MAPT: variants seen among roughly 807,000 people sequenced by gnomAD.
MAPT encodes microtubule-associated protein tau.
Under a neutral mutation model 67.9 loss-of-function variants are expected in MAPT, and 34 were observed. The ratio of observed to expected loss-of-function variants is 0.50; its 90% CI spans 0.38 to 0.67. The LOEUF (loss-of-function observed/expected upper bound fraction) is 0.67, where lower values mean the gene tolerates loss of function less well. Ranked by LOEUF, MAPT falls within the 30% of genes least tolerant of loss-of-function variation. The pLI is 0.00. For missense variants in MAPT, 881 were observed against 1,115.2 expected, an observed-to-expected ratio of 0.79 and a Z score of 2.99; for synonymous variants, 456 against 464.5, an observed-to-expected ratio of 0.98 and a Z score of 0.23.
intron 1 of MAPT, chr17:45,898,182 A>G (rs1220786451): frequency 6.6e-6 from 1 of 152,286 alleles, no homozygotes; most frequent in African/African-American, 2.4e-5. Flanking sequence ...TTATATAGCA[A>G]TAACCTGGCT....
At chr17:45,941,700 TGCCTG>T (rs773904471) in intron 1 of MAPT, among the ~76,000 whole-genome samples, 14,257 of 81,908 alleles carry the variant, frequency 0.17, 2,062 homozygotes, top group Non-Finnish European at 0.23. Context: ...CCTTCCTTCC[TGCCTG>T]CCTTCCTTCC....
At chr17:45,918,020 C>T (rs984097737) in intron 1 of MAPT, among the ~76,000 whole-genome samples, 6 of 152,112 alleles carry the variant, frequency 3.9e-5, no homozygotes, top group Non-Finnish European at 7.4e-5. Flanking sequence ...GTGATCCACC[C>T]GCCTCAGCCT....
chr17:45,981,325 G>T (rs62063781), intron 4 of MAPT, among the ~76,000 whole-genome samples: 22,052 of 152,198 alleles, frequency 0.14, 2,143 homozygotes, highest in Non-Finnish European at 0.22. Context: ...AACATAAAGG[G>T]TATTTATTAG....
chr17:46,019,248 T>C (rs1444414616), intron 12 of MAPT, among the ~76,000 whole-genome samples: 1 of 152,058 alleles, frequency 6.6e-6, no homozygotes, highest in Non-Finnish European at 1.5e-5. Flanking sequence ...CCTCATGAGA[T>C]TTATTCACTA....
At chr17:45,925,081 C>G (rs1198254489) in intron 1 of MAPT, among the ~76,000 whole-genome samples, 2 of 152,222 alleles carry the variant, frequency 1.3e-5, no homozygotes, top group African/African-American at 2.4e-5. Flanking sequence ...CCCCTTTTAT[C>G]CCATGATCCC....
intron 8 of MAPT, among the ~76,000 whole-genome samples, chr17:45,992,077 C>T (rs2074103788): frequency 6.6e-6 from 1 of 152,146 alleles, no homozygotes; most frequent in Non-Finnish European, 1.5e-5. Context: ...TGAGCCACCA[C>T]TCCCAGCCTG....
chr17:45,986,988 G>A, intron 5 of MAPT, 52 bp from the exon 6 acceptor site: 1 of 1,530,612 alleles, frequency 6.5e-7, no homozygotes, highest in African/African-American at 1.4e-5. Flanking sequence ...CTGGCTTTCT[G>A]TGAACAGTGA....
At chr17:45,914,242 C>G (rs1299315122) in intron 1 of MAPT, among the ~76,000 whole-genome samples, 1 of 113,260 alleles carries the variant, frequency 8.8e-6, no homozygotes, top group East Asian at 1.9e-4. Flanking sequence ...CATCATGGGT[C>G]GGAGAGGAAG....
chr17:45,996,266 G>A lies in MAPT; in HGVS notation c.1733-133G>A, dbSNP rs980238792. On this transcript the variant is annotated intron_variant, in intron 8 of 12. Transcript: ENST00000262410. This position sits in a 1 kb window ranked among gnomAD's most constrained non-coding sequence, Gnocchi z 4.5. ...CAGGGCAGCCGTCTGCTGTAGCTGC[G>A]CTTCCAACCTGGCTTCCACCTGCCT... 1.2e-5 allele frequency: 11 copies of A among 946,448 alleles called. No individual in the cohort carries two copies. The highest frequency in any genetic ancestry group is 8.0e-5 in the African/African-American group (5 of 62,292). 58.6% of individuals were successfully genotyped at this position (946,448 alleles called of 1,614,324 possible).
At chr17:45,912,625 C>T (rs1394305989) in intron 1 of MAPT, among the ~76,000 whole-genome samples, 2 of 152,158 alleles carry the variant, frequency 1.3e-5, no homozygotes, top group Non-Finnish European at 2.9e-5. Context: ...GGACTTTGGC[C>T]TTCAGAAGTG....
intron 1 of MAPT, among the ~76,000 whole-genome samples, chr17:45,941,650 C>A (rs2067899931): frequency 1.8e-5 from 2 of 111,896 alleles, no homozygotes; most frequent in African/African-American, 7.6e-5. Flanking sequence ...CTCCTTCCCC[C>A]CTTCCACCCT....
rs1165068407 is a variant in MAPT at position 45,991,531 on chromosome 17, C to T, written c.1677C>T (p.Asn559=). The T allele has an allele frequency of 6.2e-6, 10 of 1,614,112 alleles. No individual in the cohort carries two copies. Among genetic ancestry groups the T allele is most frequent in the South Asian group, 4.4e-5 (4 of 91,084 alleles). ...AAPPGQKGQA[N]ATRIPAKTPP... is the part of the protein sequence containing the mutation. ...CTCCAGGCCAGAAGGGCCAGGCCAA[C>T]GCCACCAGGATTCCAGCAAAAACCC... is the stretch of plus-strand genomic sequence containing the variant. The change falls in exon 8 of 13, where the codon AAC becomes AAT. Residue 559 remains asparagine, a synonymous_variant. Transcript: ENST00000262410.
intron 12 of MAPT, among the ~76,000 whole-genome samples, chr17:46,019,889 G>A (rs895518811): frequency 1.3e-5 from 2 of 151,792 alleles, no homozygotes; most frequent in Admixed American, 1.3e-4. Context: ...GTGCGTGCCT[G>A]TAATCCCAGC....
intron 1 of MAPT, among the ~76,000 whole-genome samples, chr17:45,957,120 A>G (rs56302057): frequency 0.14 from 21,666 of 151,972 alleles, 2,115 homozygotes; most frequent in Non-Finnish European, 0.22. Flanking sequence ...CCCAGTAATG[A>G]GATGGCTGGG....
intron 1 of MAPT, among the ~76,000 whole-genome samples, chr17:45,954,476 A>C (rs1003834328): frequency 2.6e-5 from 4 of 152,152 alleles, no homozygotes; most frequent in Non-Finnish European, 5.9e-5. Flanking sequence ...ACAAAACATT[A>C]GCCAGGCATG....
chr17:45,918,934 C>T (rs1414522276), intron 1 of MAPT, among the ~76,000 whole-genome samples: 2 of 151,820 alleles, frequency 1.3e-5, no homozygotes, highest in South Asian at 2.1e-4. Flanking sequence ...TGGTGGTGTG[C>T]GCCTGGAATC....
intron 2 of MAPT, among the ~76,000 whole-genome samples, chr17:45,965,365 G>A (rs1257618845): frequency 1.3e-5 from 2 of 151,762 alleles, no homozygotes; most frequent in Admixed American, 1.3e-4. Context: ...GGGAAGCAGA[G>A]GTTGCAGTGA....
chr17:45,907,550 T>C (rs2064409864), intron 1 of MAPT: 1 of 152,192 alleles, frequency 6.6e-6, no homozygotes, highest in African/African-American at 2.4e-5. Context: ...ATTAACACAG[T>C]TGGATGTTGA....
intron 5 of MAPT, among the ~76,000 whole-genome samples, chr17:45,986,302 C>A (rs1369646551): frequency 6.6e-6 from 1 of 152,158 alleles, no homozygotes; most frequent in African/African-American, 2.4e-5. Flanking sequence ...GAGGGGCAGG[C>A]CCTGGGGGTA....
Sources: gnomAD v4.1 joint callset for allele counts (sites outside exome capture counted in the v4.1 genomes callset) on GRCh38, gnomAD v4.1.1 for gene constraint, Gnocchi (gnomAD v3.1) non-coding constraint, MANE v1.5 for transcripts, NCBI Gene and HGNC (gene_info 2026-07-23, HGNC 2026-07-21) for gene names.